Variants in VWA3A observed in about 807,000 individuals in gnomAD.
VWA3A encodes von Willebrand factor A domain-containing protein 3A.
Under a neutral mutation model 160.4 loss-of-function variants are expected in VWA3A, and 134 were observed. The observed-to-expected ratio is 0.84, with a 90% CI of 0.73 to 0.96. The LOEUF is 0.96. VWA3A is among the 40% of genes least tolerant of loss of function. The probability of loss-of-function intolerance (pLI) is 0.00; values close to 1 mark genes in which losing one functional copy is unlikely to be tolerated. For synonymous variants in VWA3A, 476 were observed against 543.4 expected (o/e 0.88, Z 1.72); for missense variants, 1,310 against 1,447.9 (o/e 0.90, Z 1.55).
chr16:22,109,386 G>A (rs1483510560), intron 6 of VWA3A, 96 bp from the exon 7 acceptor site: 2 of 1,016,330 alleles, frequency 2.0e-6, no homozygotes, highest in Non-Finnish European at 3.0e-6. Flanking sequence ...TTAGGGGTGA[G>A]GAAAGTGTTT....
Position 22,119,027 on chromosome 16 carries a change from G to C in VWA3A, c.1116G>C (p.Glu372Asp), listed in dbSNP as rs748452609. 13 of 1,608,012 alleles carry C rather than the reference G, an allele frequency of 8.1e-6. No individual in the cohort carries two copies. Among genetic ancestry groups the C allele is most frequent in the Non-Finnish European group, 1.1e-5 (13 of 1,177,160 alleles). The change falls in exon 12 of 34, where the codon GAG (glutamate) becomes GAC (aspartate). Residue 372 changes from glutamate to aspartate, a missense_variant and splice_region_variant. Physicochemically the swap from Glu to Asp is conservative, Grantham distance 45. Coordinates refer to ENST00000389398, the MANE Select transcript of VWA3A (RefSeq NM_173615.5). ...AGGCGCTCACCTGCACCATGGAGGA[G>C]GTAGGTGGTGCGAGTGTCAATTCTG... ...PCEALTCTME[E>D]ISTEITNGPL...
intron 17 of VWA3A, among the ~76,000 whole-genome samples, chr16:22,130,824 TA>T (rs2045933691): frequency 1.3e-5 from 2 of 151,884 alleles, no homozygotes; most frequent in African/African-American, 4.8e-5. Context: ...GCTAGAGGTA[TA>T]TTTTTTTTCT....
At chr16:22,111,575 G>A (rs545755857) in intron 8 of VWA3A, among the ~76,000 whole-genome samples, 52 of 152,142 alleles carry the variant, frequency 3.4e-4, no homozygotes, top group African/African-American at 1.1e-3. Context: ...TCCACCCCAC[G>A]GGTTCAGGTG....
intron 23 of VWA3A, chr16:22,141,162 C>T (rs934162824): frequency 2.4e-5 from 11 of 458,522 alleles, no homozygotes; most frequent in Admixed American, 1.6e-4. Context: ...GTACTCAGCT[C>T]GTAGAACCTA....
At position 22,155,836 on chromosome 16, in the gene VWA3A, T is replaced by A; in HGVS notation, c.3504-15T>A. 6.2e-7 allele frequency: 1 copy of A among 1,613,738 alleles called. No homozygotes were observed. Among genetic ancestry groups the A allele is most frequent in the Non-Finnish European group, 8.5e-7 (1 of 1,179,824 alleles). On this transcript the variant is annotated splice_polypyrimidine_tract_variant and intron_variant, in intron 32 of 33. Transcript: ENST00000389398. ...GCACCAGGGAGACCATCTTTCTTCA[T>A]CTCCTGCCCACCAGATCCCAACTCC...
At chr16:22,096,570 C>G (rs1299294702) in intron 1 of VWA3A, among the ~76,000 whole-genome samples, 2 of 152,058 alleles carry the variant, frequency 1.3e-5, no homozygotes, top group Non-Finnish European at 2.9e-5. Context: ...CATAGTGAGA[C>G]CCCGTCTCTA....
In VWA3A at chr16:22,092,670, A is replaced by G; in HGVS notation, c.14+19A>G. ...AATACAGGTGAGGGTGAGCATCACA[A>G]GGGTTGACAGGGGTGGTGAGAGGGT... On this transcript the variant is annotated intron_variant, in intron 1 of 33. Transcript: ENST00000389398. 1.3e-6 allele frequency: 2 copies of G among 1,550,578 alleles called. No homozygotes were observed. Among genetic ancestry groups the G allele is most frequent in the Non-Finnish European group, 8.7e-7 (1 of 1,146,244 alleles).
intron 3 of VWA3A, among the ~76,000 whole-genome samples, chr16:22,097,988 C>T (rs929038468): frequency 6.6e-6 from 1 of 152,140 alleles, no homozygotes; most frequent in Non-Finnish European, 1.5e-5. Flanking sequence ...CTAAAATTCC[C>T]CTTCCTGAGA....
At position 22,100,226 on chromosome 16, in the gene VWA3A, T is replaced by C. The variant is rs777067639; in HGVS notation, c.258T>C (p.Asp86=). ...RLQGSETQSS[D]WEDSEDWLSA... ...AGGGGAGTGAGACCCAGTCTTCAGA[T>C]TGGGAGGACTCTGAAGACTGGCTTT... Residue 86 remains aspartate (D), a synonymous_variant, in exon 4 of 34, where the codon GAT becomes GAC. Transcript: ENST00000389398. The C allele has an allele frequency of 3.5e-5, 55 of 1,550,350 alleles. No individual in the cohort carries two copies. Among genetic ancestry groups the C allele is most frequent in the Admixed American group, 2.2e-4 (11 of 50,938 alleles).
chr16:22,155,379 CT>C (rs924926138), intron 31 of VWA3A, among the ~76,000 whole-genome samples, 187 bp from the exon 32 acceptor site: 8 of 152,076 alleles, frequency 5.3e-5, no homozygotes, highest in African/African-American at 1.9e-4. Context: ...AAAGTTTCCC[CT>C]TTGCAGAATG....
intron 7 of VWA3A, 27 bp from the exon 8 acceptor site, chr16:22,110,861 A>G: frequency 6.3e-7 from 1 of 1,579,534 alleles, no homozygotes; most frequent in South Asian, 1.2e-5. Flanking sequence ...TGGCTGTGGG[A>G]GCCAGTGATG....
chr16:22,114,140 C>G (rs1264678607), intron 8 of VWA3A, among the ~76,000 whole-genome samples: 1 of 152,048 alleles, frequency 6.6e-6, no homozygotes, highest in Non-Finnish European at 1.5e-5. Context: ...GGGACTTATT[C>G]TCGCTGTTCA....
chr16:22,138,148 C>A (rs1358462373), intron 21 of VWA3A, among the ~76,000 whole-genome samples: 2 of 152,188 alleles, frequency 1.3e-5, no homozygotes, highest in Non-Finnish European at 2.9e-5. Flanking sequence ...TAGCCCAGAG[C>A]CTGTGCCTCC....
At chr16:22,122,929 G>C (rs919192658) in intron 14 of VWA3A, among the ~76,000 whole-genome samples, 156 bp from the exon 15 acceptor site, 1 of 152,104 alleles carries the variant, frequency 6.6e-6, no homozygotes, top group Non-Finnish European at 1.5e-5. Flanking sequence ...ATTGGGGTGT[G>C]TGTGTGGTGG....
At chr16:22,152,705 T>G in intron 31 of VWA3A, 71 bp downstream of exon 31, 189 of 1,534,556 alleles carry the variant, frequency 1.2e-4, no homozygotes, top group Middle Eastern at 1.8e-4. Flanking sequence ...GCATGGGGTT[T>G]TCCTTCTTGA....
At chr16:22,128,769 G>A (rs1241826263) in intron 17 of VWA3A, among the ~76,000 whole-genome samples, 1 of 152,146 alleles carries the variant, frequency 6.6e-6, no homozygotes, top group Non-Finnish European at 1.5e-5. Flanking sequence ...ATGAGATCAT[G>A]TTCTTTGCAG....
At position 22,121,164 on chromosome 16, in the gene VWA3A, G is replaced by A. The variant is rs758915081; in HGVS notation, c.1252+61G>A. 80 of 1,609,202 alleles carry A rather than the reference G, an allele frequency of 5.0e-5. 1 individual carries two copies. Among genetic ancestry groups the A allele is most frequent in the Non-Finnish European group, 6.2e-5 (73 of 1,178,014 alleles). On this transcript the variant is annotated intron_variant, in intron 13 of 33. Coordinates refer to ENST00000389398, the MANE Select transcript of VWA3A (RefSeq NM_173615.5). ...GTGACTGACTAAAAGGCTTGAATCC[G>A]GCCGGGCACAGTGGCTCACACCTGC...
At chr16:22,154,138 T>C (rs1397801938) in intron 31 of VWA3A, among the ~76,000 whole-genome samples, 1 of 151,882 alleles carries the variant, frequency 6.6e-6, no homozygotes, top group Admixed American at 6.6e-5. Flanking sequence ...ACTGAACAAA[T>C]TGGTAAAAGT....
intron 3 of VWA3A, 61 bp downstream of exon 3, chr16:22,097,756 T>C (rs2045348657): frequency 2.6e-6 from 4 of 1,535,994 alleles, no homozygotes; most frequent in Non-Finnish European, 3.5e-6. Context: ...GAATGCACAG[T>C]GTGTTAAATT....
Sources: allele counts gnomAD v4.1 joint callset (sites outside exome capture counted in the v4.1 genomes callset), GRCh38; gene constraint gnomAD v4.1.1; transcripts MANE v1.5; gene names NCBI Gene and HGNC (gene_info 2026-07-23, HGNC 2026-07-21).